ADCY9: variants seen among roughly 807,000 people sequenced by gnomAD.
The protein encoded by ADCY9 is adenylate cyclase type 9.
A neutral mutation model predicts 101.5 loss-of-function variants in ADCY9; 50 were observed. The observed-to-expected ratio is 0.49, with a 90% confidence interval of 0.39 to 0.62. The LOEUF is 0.62. ADCY9 is among the 20% of genes least tolerant of loss of function. ADCY9 has a pLI of 0.00. For missense variants in ADCY9, 1,662 were observed against 1,800.4 expected (o/e 0.92, Z 1.39); for synonymous variants, 905 against 769.3 (o/e 1.18, Z -2.92).
chr16:4,065,261 G>A (rs1009324746), intron 2 of ADCY9, among the ~76,000 whole-genome samples: 4 of 152,076 alleles, frequency 2.6e-5, no homozygotes, highest in Admixed American at 2.0e-4. Flanking sequence ...CACTCTCCCC[G>A]CAACCTGCCC....
intron 2 of ADCY9, among the ~76,000 whole-genome samples, chr16:4,008,429 C>T (rs74003496): frequency 1.4e-3 from 207 of 152,262 alleles, no homozygotes; most frequent in African/African-American, 4.7e-3. Flanking sequence ...AGAAATCCAT[C>T]CTTTGACTTC....
chr16:3,979,445 A>G (rs1005874908), intron 7 of ADCY9, among the ~76,000 whole-genome samples, 170 bp from the exon 8 acceptor site: 1 of 152,236 alleles, frequency 6.6e-6, no homozygotes, highest in African/African-American at 2.4e-5. Flanking sequence ...CACTTTTGGT[A>G]GAAGGCAAGG....
intron 2 of ADCY9, among the ~76,000 whole-genome samples, chr16:4,108,731 G>T (rs915283362): frequency 1.5e-5 from 2 of 130,552 alleles, no homozygotes; most frequent in East Asian, 4.7e-4. Context: ...TTGAGACAGG[G>T]TCTCATTCTT....
At chr16:4,053,664 G>A (rs1434450497) in intron 2 of ADCY9, among the ~76,000 whole-genome samples, 4 of 119,932 alleles carry the variant, frequency 3.3e-5, no homozygotes, top group Non-Finnish European at 6.8e-5. Context: ...CAACCGGCAA[G>A]GTCACAAAAT....
At chr16:4,028,090 T>G (rs1192268882) in intron 2 of ADCY9, among the ~76,000 whole-genome samples, 1 of 151,974 alleles carries the variant, frequency 6.6e-6, no homozygotes, top group Non-Finnish European at 1.5e-5. Flanking sequence ...GGGAAAGATT[T>G]TTGGGGGGTG....
chr16:4,084,174 C>T (rs1183985186), intron 2 of ADCY9, among the ~76,000 whole-genome samples: 2 of 152,102 alleles, frequency 1.3e-5, no homozygotes, highest in Non-Finnish European at 2.9e-5. Context: ...TGCAGTGGCA[C>T]AATCTCGGCT....
chr16:3,996,493 T>G (rs2141708337), intron 3 of ADCY9, among the ~76,000 whole-genome samples: 1 of 152,316 alleles, frequency 6.6e-6, no homozygotes, highest in Middle Eastern at 3.4e-3. Flanking sequence ...AAAAGATGCC[T>G]GAGGGAACTC....
At chr16:4,076,516 A>G (rs1475342697) in intron 2 of ADCY9, among the ~76,000 whole-genome samples, 1 of 152,248 alleles carries the variant, frequency 6.6e-6, no homozygotes, top group Non-Finnish European at 1.5e-5. Flanking sequence ...CAGATGAAAT[A>G]TTCCCAAGCT....
chr16:4,085,138 G>A (rs1291467455), intron 2 of ADCY9, among the ~76,000 whole-genome samples: 2 of 152,140 alleles, frequency 1.3e-5, no homozygotes, highest in Non-Finnish European at 2.9e-5. Flanking sequence ...AAGGTGGGCA[G>A]ATCGCTTGAG....
intron 2 of ADCY9, among the ~76,000 whole-genome samples, chr16:4,011,685 T>C (rs2056405422): frequency 6.6e-6 from 1 of 152,102 alleles, no homozygotes; most frequent in Non-Finnish European, 1.5e-5. Flanking sequence ...TTTCCTCATC[T>C]CTAAGGGGAG....
rs993244706 is a variant in ADCY9 at position 4,107,357 on chromosome 16, C to A, written c.1693+6393G>T. On this transcript the variant is annotated intron_variant, in intron 2 of 10. Coordinates refer to ENST00000294016, the MANE Select transcript of ADCY9 (RefSeq NM_001116.4). The stretch of plus-strand genomic sequence containing the variant: ...CCTGAGGTCAGGAGTTCAAGACCGG[C>A]CTGGCCTACATGGTGAAACCCCATC... 4.1e-4 allele frequency among the ~76,000 whole-genome samples: 63 copies of A among 151,896 alleles called. 1 individual carries two copies. The highest frequency in any genetic ancestry group is 4.1e-3 in the Admixed American group (63 of 15,240).
At chr16:4,033,718 A>T (rs2056571797) in intron 2 of ADCY9, among the ~76,000 whole-genome samples, 1 of 152,154 alleles carries the variant, frequency 6.6e-6, no homozygotes, top group African/African-American at 2.4e-5. Flanking sequence ...AGCTGACAAC[A>T]GTTATCTATG....
intron 2 of ADCY9, among the ~76,000 whole-genome samples, chr16:4,091,509 G>A (rs1025264098): frequency 5.9e-5 from 9 of 152,182 alleles, no homozygotes; most frequent in Admixed American, 1.3e-4. Flanking sequence ...ACGTGTACAC[G>A]AGTGTTCCCA....
chr16:3,955,932 T>C (rs543048559), intron 5 of ADCY9, among the ~76,000 whole-genome samples: 1 of 152,200 alleles, frequency 6.6e-6, no homozygotes, highest in African/African-American at 2.4e-5. Flanking sequence ...AGTGAGATCA[T>C]AGCTCACTGC....
In ADCY9 at chr16:4,114,365, T is replaced by C; in HGVS notation, c.1078A>G (p.Arg360Gly). 6.2e-7 allele frequency: 1 copy of C among 1,614,054 alleles called. No homozygotes were observed. Among genetic ancestry groups the C allele is most frequent in the Non-Finnish European group, 8.5e-7 (1 of 1,180,042 alleles). ...GDEESENSVK[R>G]HATSSPKNRK... is the part of the protein sequence containing the mutation. ...TTCTTGGGGCTCGAGGTGGCATGCC[T>C]CTTGACAGAATTCTCACTCTCCTCA... Residue 360 changes from arginine to glycine, a missense_variant, in exon 2 of 11, where the codon AGG becomes GGG. By Grantham distance (125) the Arg-to-Gly change is moderately radical. Around this residue, in one of 5 missense-constraint regions of ADCY9, gnomAD observed 228 missense variants for 301.1 expected, o/e 0.76. Coordinates refer to ENST00000294016, the MANE Select transcript of ADCY9 (RefSeq NM_001116.4). This position sits in a 1 kb window ranked among gnomAD's most constrained non-coding sequence, Gnocchi z 4.3.
chr16:3,987,359 C>G (rs1023735086), intron 6 of ADCY9, among the ~76,000 whole-genome samples: 4 of 152,256 alleles, frequency 2.6e-5, no homozygotes, highest in African/African-American at 9.6e-5. Flanking sequence ...GCAAAGGTGT[C>G]TGCTGTTTGG....
intron 8 of ADCY9, among the ~76,000 whole-genome samples, chr16:3,978,342 G>A (rs917596924): frequency 1.3e-5 from 2 of 152,158 alleles, no homozygotes; most frequent in African/African-American, 2.4e-5. Flanking sequence ...CCGCCCGGAA[G>A]CTCATGCTCA....
At chr16:4,033,615 C>T (rs538293094) in intron 2 of ADCY9, among the ~76,000 whole-genome samples, 1 of 152,166 alleles carries the variant, frequency 6.6e-6, no homozygotes, top group African/African-American at 2.4e-5. Flanking sequence ...TAGGGTTTCA[C>T]CATGGTGGCC....
chr16:4,084,419 A>T (rs968025876), intron 2 of ADCY9, among the ~76,000 whole-genome samples: 2 of 151,990 alleles, frequency 1.3e-5, no homozygotes, highest in African/African-American at 4.8e-5. Flanking sequence ...GCCTCAATAA[A>T]GCATTTTTTA....
Sources: gnomAD v4.1 joint callset for allele counts (sites outside exome capture counted in the v4.1 genomes callset) on GRCh38, gnomAD v4.1.1 for gene constraint, gnomAD v4.1.1 regional missense constraint, Gnocchi (gnomAD v3.1) non-coding constraint, MANE v1.5 for transcripts, NCBI Gene and HGNC (gene_info 2026-07-23, HGNC 2026-07-21) for gene names.